RPN2: variants seen among roughly 807,000 people sequenced by gnomAD.
RPN2 encodes ribophorin II, also known as dolichyl-diphosphooligosaccharide--protein glycosyltransferase subunit 2.
RPN2 carries 29 observed loss-of-function variants against 71.4 expected under a neutral mutation model. That is an observed-to-expected ratio of 0.41 (90% CI 0.30 to 0.55). The LOEUF (loss-of-function observed/expected upper bound fraction) is 0.55, where lower values mean the gene tolerates loss of function less well. RPN2 is among the 20% of genes least tolerant of loss of function. The pLI, the probability that RPN2 is intolerant of heterozygous loss-of-function variation, is 0.35. For missense variants in RPN2, 726 were observed against 774.1 expected, an observed-to-expected ratio of 0.94 and a Z score of 0.74; for synonymous variants, 308 against 305.0, an observed-to-expected ratio of 1.01 and a Z score of -0.10.
chr20:37,224,694 G>A (rs907990478), intron 10 of RPN2, among the ~76,000 whole-genome samples: 3 of 152,116 alleles, frequency 2.0e-5, no homozygotes, highest in Admixed American at 6.6e-5. Flanking sequence ...TTGGCTCAGC[G>A]GGGATCTAGA....
intron 9 of RPN2, among the ~76,000 whole-genome samples, 180 bp from the exon 10 acceptor site, chr20:37,223,698 A>G (rs1412078513): frequency 1.3e-5 from 2 of 151,414 alleles, no homozygotes; most frequent in East Asian, 3.9e-4. Context: ...AGGCCTCGGA[A>G]TGGGAGAGGT....
At chr20:37,225,586 G>A (rs1482773845) in intron 10 of RPN2, 102 bp from the exon 11 acceptor site, 5 of 785,844 alleles carry the variant, frequency 6.4e-6, no homozygotes, top group Non-Finnish European at 1.1e-5. Context: ...GTGTTACTAT[G>A]GGAGAGGGTG....
chr20:37,179,451 G>C, intron 1 of RPN2, 82 bp downstream of exon 1: 1 of 1,424,922 alleles, frequency 7.0e-7, no homozygotes, highest in Non-Finnish European at 9.2e-7. Context: ...CGGCCAGGCG[G>C]GATCCCCTTC....
At position 37,198,500 on chromosome 20, in the gene RPN2, C is replaced by T. The variant is rs201883402; in HGVS notation, c.303+8C>T. On this transcript the variant is annotated splice_region_variant and intron_variant, in intron 3 of 16. Coordinates refer to ENST00000237530, the MANE Select transcript of RPN2 (RefSeq NM_002951.5). ...GCCCTCTCAGGATGTGAGGTGAGTC[C>T]GGGTTCCTACGCTGACAATGACTTT... The T allele has an allele frequency of 4.6e-3, 7,432 of 1,614,098 alleles. 30 individuals are homozygous for T. Among genetic ancestry groups the T allele is most frequent in the South Asian group, 9.2e-3 (839 of 91,076 alleles).
intron 9 of RPN2, among the ~76,000 whole-genome samples, chr20:37,215,174 T>C (rs1050401357): frequency 1.3e-5 from 2 of 152,230 alleles, no homozygotes; most frequent in Non-Finnish European, 2.9e-5. Context: ...TATCCTAGGT[T>C]TGGCCTTTGG....
rs557621769 is a variant in RPN2 at position 37,230,685 on chromosome 20, C to A, written c.1581+626C>A. 3.3e-5 allele frequency among the ~76,000 whole-genome samples: 5 copies of A among 152,262 alleles called. No homozygotes were observed. The South Asian group carries it at 1.0e-3, about 32-fold the overall frequency. On this transcript the variant is annotated intron_variant, in intron 13 of 16. Transcript: ENST00000237530. Reference sequence around the variant, plus strand: ...AGAAATGATCGTACTTGGAAACTTGCATACGAATTAATGTTGAAGTGTCAA... The same window carrying A: ...AGAAATGATCGTACTTGGAAACTTGAATACGAATTAATGTTGAAGTGTCAA...
chr20:37,213,477 T>C (rs552903100), intron 8 of RPN2, among the ~76,000 whole-genome samples: 1 of 152,208 alleles, frequency 6.6e-6, no homozygotes, highest in South Asian at 2.1e-4. Flanking sequence ...CTGTCCCAAC[T>C]ACCAGGGAGG....
Position 37,228,760 on chromosome 20 carries a change from T to C in RPN2, c.1494+16T>C. 6.2e-7 allele frequency: 1 copy of C among 1,613,370 alleles called. No individual in the cohort carries two copies. Among genetic ancestry groups the C allele is most frequent in the Non-Finnish European group, 8.5e-7 (1 of 1,179,618 alleles). ...CTGGAATGTGGTATGTGCCTGAATG[T>C]ACCCCGACCCAGGTGAGAGTGGCTG... is the stretch of plus-strand genomic sequence containing the variant. On this transcript the variant is annotated intron_variant, in intron 12 of 16. Transcript: ENST00000237530.
intron 4 of RPN2, among the ~76,000 whole-genome samples, chr20:37,201,881 A>G (rs1163349400): frequency 6.6e-6 from 1 of 152,258 alleles, no homozygotes; most frequent in African/African-American, 2.4e-5. Flanking sequence ...ATACTTGTAG[A>G]TTTGAATGAA....
rs757028088 is a variant in RPN2 at position 37,207,261 on chromosome 20, CA to C, written c.691-11del. ...GAGGAAGAGAAACAGCTGCATTTCG[CA>C]TTTCTTTCAGGATCAGGTCATCCAG... is the stretch of plus-strand genomic sequence containing the variant. On this transcript the variant is annotated splice_polypyrimidine_tract_variant and intron_variant, in intron 6 of 16. Transcript: ENST00000237530. 8 of 1,610,466 alleles carry C rather than the reference CA, an allele frequency of 5.0e-6. No homozygotes were observed. Among genetic ancestry groups the C allele is most frequent in the Middle Eastern group, 1.7e-4 (1 of 6,050 alleles).
At chr20:37,232,071 G>A (rs2068263336) in intron 13 of RPN2, among the ~76,000 whole-genome samples, 1 of 152,226 alleles carries the variant, frequency 6.6e-6, no homozygotes, top group Non-Finnish European at 1.5e-5. Flanking sequence ...TGGCCAAGCA[G>A]TGAGCTGGGG....
At chr20:37,209,505 CT>C (rs1162194162) in intron 7 of RPN2, among the ~76,000 whole-genome samples, 2 of 150,762 alleles carry the variant, frequency 1.3e-5, no homozygotes, top group East Asian at 3.9e-4. Context: ...GGGTTTCCCT[CT>C]GTTTTCCAGG....
In RPN2 at chr20:37,239,747, C is replaced by A. The variant is rs527638020; in HGVS notation, c.1884-1556C>A. ...ATAGGTATTGCCACTCTCCAGAGAG[C>A]TCCCCGGTGCCCCTTTTAGAGTCCG... On this transcript the variant is annotated intron_variant, in intron 16 of 16. Coordinates refer to ENST00000237530, the MANE Select transcript of RPN2 (RefSeq NM_002951.5). Among the ~76,000 whole-genome samples, 3 of 152,298 alleles carry A rather than the reference C, an allele frequency of 2.0e-5. No homozygotes were observed. In the South Asian group the frequency reaches 6.2e-4, roughly 32 times the overall value.
intron 2 of RPN2, among the ~76,000 whole-genome samples, chr20:37,195,227 T>C (rs1189023806): frequency 6.6e-6 from 1 of 152,212 alleles, no homozygotes; most frequent in African/African-American, 2.4e-5. Flanking sequence ...GTGGGCTCAC[T>C]GAGCAGGCTG....
intron 2 of RPN2, among the ~76,000 whole-genome samples, chr20:37,191,616 A>C (rs1035012269): frequency 1.5e-4 from 23 of 151,842 alleles, no homozygotes; most frequent in Admixed American, 6.6e-5. Context: ...AAATACAAAA[A>C]AATTAGCTGG....
rs749423015 is a variant in RPN2, at chr20:37,213,844, G to A, written c.1071G>A (p.Arg357=). ...DFLVEVEGDN[R]YIANTVELRV... is the part of the protein sequence containing the mutation. ...TTGTCGAAGTTGAAGGTGACAACCG[G>A]TATATTGCAAATACCGTAGAGGTAG... is the stretch of plus-strand genomic sequence containing the variant. The change falls in exon 9 of 17, where the codon CGG becomes CGA. Residue 357 remains arginine, a synonymous_variant. Transcript: ENST00000237530. The A allele has an allele frequency of 2.5e-6, 4 of 1,613,612 alleles. No homozygotes were observed. Among genetic ancestry groups the A allele is most frequent in the Middle Eastern group, 1.7e-4 (1 of 6,058 alleles).
At chr20:37,198,930 G>T in intron 3 of RPN2, 120 bp from the exon 4 acceptor site, 1 of 820,928 alleles carries the variant, frequency 1.2e-6, no homozygotes, top group Non-Finnish European at 2.1e-6. Context: ...GATTAGAGGG[G>T]GATGAGCATG....
rs756649323 is a variant in RPN2, at chr20:37,204,858, A to G, written c.647A>G (p.Tyr216Cys). ...ETTALFVAAT[Y>C]KLMDHVGTEP... Reference sequence around the variant, plus strand: ...ACAGCGTTATTTGTGGCTGCCACCTACAAGCTCATGGATCATGTGGGGACT... The same window carrying G: ...ACAGCGTTATTTGTGGCTGCCACCTGCAAGCTCATGGATCATGTGGGGACT... Residue 216 changes from tyrosine (Y) to cysteine (C), a missense_variant, in exon 6 of 17, where the codon TAC becomes TGC. Coordinates refer to ENST00000237530, the MANE Select transcript of RPN2 (RefSeq NM_002951.5). 2.3e-5 allele frequency: 37 copies of G among 1,614,052 alleles called. No homozygotes were observed. Among genetic ancestry groups the G allele is most frequent in the Non-Finnish European group, 3.0e-5 (35 of 1,180,036 alleles).
chr20:37,217,669 T>A (rs1350492039), intron 9 of RPN2, among the ~76,000 whole-genome samples: 1 of 152,196 alleles, frequency 6.6e-6, no homozygotes, highest in Non-Finnish European at 1.5e-5. Context: ...CTAAAGATGT[T>A]TTTCCACATT....
Sources: allele counts gnomAD v4.1 joint callset (sites outside exome capture counted in the v4.1 genomes callset), GRCh38; gene constraint gnomAD v4.1.1; transcripts MANE v1.5; gene names NCBI Gene and HGNC (gene_info 2026-07-23, HGNC 2026-07-21).